The following CHD8 variants were observed in gnomAD, a reference collection of about 807,000 sequenced individuals.
The protein encoded by CHD8 is ATP-dependent chromatin remodeler CHD8.
CHD8 carries 31 observed loss-of-function variants against 279.2 expected under a neutral mutation model. That is an observed-to-expected ratio of 0.11 (90% CI 0.08 to 0.15). The LOEUF (loss-of-function observed/expected upper bound fraction) is 0.15, where lower values mean the gene tolerates loss of function less well. Among genes scored for constraint, CHD8 ranks in the 10% least tolerant of loss-of-function variants. The pLI is 1.00. For synonymous variants in CHD8, 1,081 were observed against 1,139.6 expected (o/e 0.95, Z 1.04); for missense variants, 2,146 against 3,230.5 (o/e 0.66, Z 8.14).
intron 37 of CHD8, 45 bp downstream of exon 37, chr14:21,390,902 A>T: frequency 1.1e-6 from 1 of 903,920 alleles, no homozygotes; most frequent in Non-Finnish European, 1.8e-6. Context: ...TTGTAATCTC[A>T]CATCTAGTGT....
intron 10 of CHD8, among the ~76,000 whole-genome samples, chr14:21,410,856 C>T (rs537825881): frequency 3.3e-5 from 5 of 152,288 alleles, no homozygotes; most frequent in Admixed American, 1.3e-4. Flanking sequence ...GCTGCTTGCT[C>T]TTTTACCTTT....
Position 21,400,660 on chromosome 14 carries a change from C to T in CHD8, c.4371-48G>A. 1 of 1,463,288 alleles carries T rather than the reference C, an allele frequency of 6.8e-7. No individual in the cohort carries two copies. Among genetic ancestry groups the T allele is most frequent in the Non-Finnish European group, 9.1e-7 (1 of 1,094,582 alleles). The allele number at this position is 1,463,288 out of a possible 1,614,324, so 90.6% of individuals were successfully genotyped here. On this transcript the variant is annotated intron_variant, in intron 22 of 37. Transcript: ENST00000646647. This position sits in a 1 kb window ranked among gnomAD's most constrained non-coding sequence, Gnocchi z 4.2. The stretch of plus-strand genomic sequence containing the variant: ...AACATTTTTCTGAGAAATGACAGTC[C>T]CCTGTCCCTCAGAATCATGTCTCTG...
At chr14:21,441,021 T>C (rs1889946084) in intron 1 of CHD8, among the ~76,000 whole-genome samples, 1 of 152,138 alleles carries the variant, frequency 6.6e-6, no homozygotes, top group South Asian at 2.1e-4. Context: ...CCTGGGGAGA[T>C]AGGGTTCAAT....
At chr14:21,450,473 C>T (rs998066362) in intron 1 of CHD8, among the ~76,000 whole-genome samples, 1 of 152,236 alleles carries the variant, frequency 6.6e-6, no homozygotes, top group East Asian at 1.9e-4. Flanking sequence ...AAGAGACAAT[C>T]TGAGAAACCT....
intron 5 of CHD8, among the ~76,000 whole-genome samples, chr14:21,421,692 T>C (rs1283566355): frequency 6.6e-6 from 1 of 152,204 alleles, no homozygotes; most frequent in African/African-American, 2.4e-5. Flanking sequence ...GCCAATATTG[T>C]CATTCTCACT....
At chr14:21,452,631 G>A (rs1594398353) in intron 1 of CHD8, among the ~76,000 whole-genome samples, 1 of 151,600 alleles carries the variant, frequency 6.6e-6, no homozygotes, top group African/African-American at 2.4e-5. Context: ...GAGACACAGG[G>A]AGACTTGTCT....
Position 21,403,840 on chromosome 14 carries a change from T to G in CHD8, c.3308-177A>C, listed in dbSNP as rs8011945. ...TCGGCTGGGTACGGTGGCTCATGCC[T>G]GTAATCCCAACACTTTGGGAGGCCG... is the stretch of plus-strand genomic sequence containing the variant. On this transcript the variant is annotated intron_variant, in intron 16 of 37. Coordinates refer to ENST00000646647, the MANE Select transcript of CHD8 (RefSeq NM_001170629.2). This position sits in a 1 kb window ranked among gnomAD's most constrained non-coding sequence, Gnocchi z 4.3. Among the ~76,000 whole-genome samples the G allele has an allele frequency of 0.81, 122,595 of 152,144 alleles. 50,830 individuals are homozygous for G. The highest frequency in any genetic ancestry group is 0.91 in the South Asian group (4,399 of 4,830).
intron 26 of CHD8, chr14:21,399,029 C>T: frequency 2.5e-6 from 1 of 404,266 alleles, no homozygotes; most frequent in Non-Finnish European, 4.9e-6. Flanking sequence ...ACAAGGAGGG[C>T]ATCCCACCTG....
At chr14:21,436,225 A>C (rs1448498685) in intron 1 of CHD8, among the ~76,000 whole-genome samples, 1 of 152,214 alleles carries the variant, frequency 6.6e-6, no homozygotes, top group Admixed American at 6.5e-5. Flanking sequence ...TGTTGTTGGA[A>C]ACTGTATCCT....
At chr14:21,441,626 T>A (rs2149747) in intron 1 of CHD8, among the ~76,000 whole-genome samples, 3 of 152,118 alleles carry the variant, frequency 2.0e-5, no homozygotes, top group Non-Finnish European at 2.9e-5. Flanking sequence ...TGGTGGCTCA[T>A]GCCTGTAATC....
chr14:21,387,377 A>G (rs991789963), intron 37 of CHD8, among the ~76,000 whole-genome samples: 1 of 152,178 alleles, frequency 6.6e-6, no homozygotes, highest in African/African-American at 2.4e-5. Context: ...CACGCCTGTA[A>G]TCCCAGCACT....
chr14:21,423,576 G>A (rs1428568125), intron 5 of CHD8, among the ~76,000 whole-genome samples: 1 of 151,456 alleles, frequency 6.6e-6, no homozygotes, highest in African/African-American at 2.4e-5. Context: ...TCATTCTGTT[G>A]CCCAGGCTGG....
In CHD8 at chr14:21,431,456, G is replaced by C; in HGVS notation, c.188C>G (p.Ala63Gly). ...CTCTGGTGGAGGGACCAGTTCACTTGCTGATGAATTCCCCACATCACCACC... is the reference window on the plus strand; with the variant it reads ...CTCTGGTGGAGGGACCAGTTCACTTCCTGATGAATTCCCCACATCACCACC... ...GGGGDVGNSS[A>G]SELVPPPEET... Residue 63 changes from alanine to glycine, a missense_variant, in exon 2 of 38, where the codon GCA becomes GGA. Coordinates refer to ENST00000646647, the MANE Select transcript of CHD8 (RefSeq NM_001170629.2). 6.5e-7 allele frequency: 1 copy of C among 1,537,048 alleles called. No individual in the cohort carries two copies. The highest frequency in any genetic ancestry group is 8.7e-7 in the Non-Finnish European group (1 of 1,146,796).
In CHD8 at chr14:21,446,610, GCTT is replaced by G. The variant is rs538028751; in HGVS notation, c.-216+9419_-216+9421del. Among the ~76,000 whole-genome samples, 7 of 152,254 alleles carry G rather than the reference GCTT, an allele frequency of 4.6e-5. No individual in the cohort carries two copies. The East Asian group carries it at 7.7e-4, about 17-fold the overall frequency. The stretch of plus-strand genomic sequence containing the variant: ...ACTTTGGCGTGAGCCACAGCTCCTG[GCTT>G]CTTATTTAATTTTCTTAACAAGACT... On this transcript the variant is annotated intron_variant, in intron 1 of 37. Transcript: ENST00000646647.
intron 28 of CHD8, 183 bp from the exon 29 acceptor site, chr14:21,395,535 C>G (rs1887744396): frequency 1.7e-6 from 1 of 604,236 alleles, no homozygotes; most frequent in African/African-American, 1.9e-5. Flanking sequence ...AAAGTAGAAC[C>G]TGAAAGGTCA....
At chr14:21,417,851 C>CAAAA (rs59449804) in intron 5 of CHD8, among the ~76,000 whole-genome samples, 55 of 116,038 alleles carry the variant, frequency 4.7e-4, no homozygotes, top group African/African-American at 1.2e-3. Context: ...GAGACTCTCT[C>CAAAA]AAAAAAAAAA....
chr14:21,446,404 C>T (rs574556781), intron 1 of CHD8, among the ~76,000 whole-genome samples: 143 of 151,672 alleles, frequency 9.4e-4, no homozygotes, highest in Non-Finnish European at 1.8e-3. Context: ...CTCTGTCTCC[C>T]AGGCTCAAGC....
rs1369820428 is a variant in CHD8 at position 21,400,519 on chromosome 14, C to T, written c.4464G>A (p.Val1488=). The change falls in exon 23 of 38, where the codon GTG becomes GTA. Residue 1488 remains valine (V), a synonymous_variant. Transcript: ENST00000646647. This position sits in a 1 kb window ranked among gnomAD's most constrained non-coding sequence, Gnocchi z 4.2. ...DVETICRAIL[V]YCLLHYRGDE... is the part of the protein sequence containing the mutation. ...CCCCACGGTAGTGTAGAAGACAGTA[C>T]ACGAGAATGGCCCGACAAATGGTCT... 7 of 1,613,486 alleles carry T rather than the reference C, an allele frequency of 4.3e-6. No homozygotes were observed. The highest frequency in any genetic ancestry group is 4.2e-6 in the Non-Finnish European group (5 of 1,179,808).
At chr14:21,436,213 C>A (rs1405901874) in intron 1 of CHD8, among the ~76,000 whole-genome samples, 1 of 152,150 alleles carries the variant, frequency 6.6e-6, no homozygotes, top group Non-Finnish European at 1.5e-5. Context: ...AAGAACAAAT[C>A]TTGTTGTTGG....
Sources: gnomAD v4.1 joint callset for allele counts (sites outside exome capture counted in the v4.1 genomes callset) on GRCh38, gnomAD v4.1.1 for gene constraint, Gnocchi (gnomAD v3.1) non-coding constraint, MANE v1.5 for transcripts, NCBI Gene and HGNC (gene_info 2026-07-23, HGNC 2026-07-21) for gene names.